The following PLPP1 variants were observed in gnomAD, a reference collection of about 807,000 sequenced individuals.
PLPP1 encodes the protein lipid phosphate phosphohydrolase 1a.
Under a neutral mutation model 31.2 loss-of-function variants are expected in PLPP1, and 24 were observed. That is an observed-to-expected ratio of 0.77 (90% CI 0.56 to 1.08). The LOEUF is 1.08. Ranked by LOEUF, PLPP1 falls within the 50% of genes least tolerant of loss-of-function variation. The pLI, the probability that PLPP1 is intolerant of heterozygous loss-of-function variation, is 0.00. For synonymous variants in PLPP1, 146 were observed against 126.3 expected (o/e 1.16, Z -1.05); for missense variants, 319 against 342.7 (o/e 0.93, Z 0.55).
At position 55,425,072 on chromosome 5, in the gene PLPP1, G is replaced by A; in HGVS notation, c.*134C>T. On this transcript the variant is annotated 3_prime_UTR_variant, in exon 6 of 6. Transcript: ENST00000307259. ...AGGTAACTATGTACACACAAAGTGT[G>A]CATCCAAGAGGCATAGCAGCAGCAG... 1.7e-6 allele frequency: 2 copies of A among 1,166,198 alleles called. No homozygotes were observed. Among genetic ancestry groups the A allele is most frequent in the Non-Finnish European group, 2.4e-6 (2 of 827,264 alleles). The allele number at this position is 1,166,198 out of a possible 1,614,324, so 72.2% of individuals were successfully genotyped here.
intron 1 of PLPP1, among the ~76,000 whole-genome samples, chr5:55,498,830 C>T (rs1046554628): frequency 1.1e-4 from 16 of 152,128 alleles, no homozygotes; most frequent in African/African-American, 3.9e-4. Flanking sequence ...CAAAAATAAA[C>T]AAACTGAATA....
intron 1 of PLPP1, among the ~76,000 whole-genome samples, chr5:55,488,502 C>T (rs993469978): frequency 5.3e-5 from 8 of 151,830 alleles, no homozygotes; most frequent in African/African-American, 1.9e-4. Context: ...AAAAATTAGC[C>T]AGGTGTGGTT....
intron 3 of PLPP1, among the ~76,000 whole-genome samples, chr5:55,444,741 T>TGTGTGTGTGTGTGTGTGTGTGTGTGTGTG (rs1554037408): frequency 5.8e-4 from 4 of 6,956 alleles, no homozygotes; most frequent in African/African-American, 1.0e-3. Flanking sequence ...TGGGATTCTA[T>TGTGTGTGTGTGTGTGTGTGTGTGTGTGTG]TTTGTGTGTG....
chr5:55,498,652 G>T (rs890151247), intron 1 of PLPP1, among the ~76,000 whole-genome samples: 2 of 150,860 alleles, frequency 1.3e-5, no homozygotes, highest in African/African-American at 4.9e-5. Context: ...AGCTGTATGT[G>T]ACTTGTCACA....
At chr5:55,478,915 T>C (rs949745131) in intron 1 of PLPP1, among the ~76,000 whole-genome samples, 4 of 152,102 alleles carry the variant, frequency 2.6e-5, no homozygotes, top group African/African-American at 7.2e-5. Flanking sequence ...CACTATTCTG[T>C]TGAGAGAATC....
At chr5:55,518,977 G>C (rs1753608829) in intron 1 of PLPP1, among the ~76,000 whole-genome samples, 1 of 152,032 alleles carries the variant, frequency 6.6e-6, no homozygotes, top group South Asian at 2.1e-4. Flanking sequence ...ATTACACTTT[G>C]AACTCTTTAA....
chr5:55,482,744 C>T (rs1312523290), intron 1 of PLPP1, among the ~76,000 whole-genome samples: 1 of 152,158 alleles, frequency 6.6e-6, no homozygotes, highest in African/African-American at 2.4e-5. Context: ...TCTAAAGCCA[C>T]TTCGCCATAA....
chr5:55,450,058 T>C (rs1751860019), intron 3 of PLPP1, among the ~76,000 whole-genome samples: 1 of 152,194 alleles, frequency 6.6e-6, no homozygotes, highest in Non-Finnish European at 1.5e-5. Flanking sequence ...TCCTGTCATA[T>C]ACTCCTTGAA....
At chr5:55,488,085 T>C (rs1172429414) in intron 1 of PLPP1, among the ~76,000 whole-genome samples, 1 of 151,278 alleles carries the variant, frequency 6.6e-6, no homozygotes, top group African/African-American at 2.4e-5. Context: ...AACAAACAAA[T>C]AAATAAATAA....
intron 1 of PLPP1, chr5:55,530,430 G>C (rs1231269298): frequency 1.6e-6 from 2 of 1,260,882 alleles, no homozygotes; most frequent in African/African-American, 2.9e-5. Context: ...CTTATAAGTA[G>C]GATGACCAGA....
At chr5:55,516,916 A>T (rs1436796621) in intron 1 of PLPP1, among the ~76,000 whole-genome samples, 1 of 152,258 alleles carries the variant, frequency 6.6e-6, no homozygotes, top group Non-Finnish European at 1.5e-5. Flanking sequence ...TTACATAAAC[A>T]TAATGGTAGC....
intron 1 of PLPP1, among the ~76,000 whole-genome samples, chr5:55,523,777 T>G (rs1226786860): frequency 6.6e-6 from 1 of 152,184 alleles, no homozygotes; most frequent in Non-Finnish European, 1.5e-5. Flanking sequence ...CTCCCTATGC[T>G]TGGAATTTTC....
chr5:55,500,705 G>A (rs1022286805), intron 1 of PLPP1, among the ~76,000 whole-genome samples: 7 of 152,046 alleles, frequency 4.6e-5, no homozygotes, highest in Non-Finnish European at 1.0e-4. Context: ...GCTGTGTAAA[G>A]AAAAAAGCAG....
intron 3 of PLPP1, among the ~76,000 whole-genome samples, chr5:55,453,347 C>T (rs1191890312): frequency 1.3e-5 from 2 of 152,090 alleles, no homozygotes; most frequent in Non-Finnish European, 2.9e-5. Flanking sequence ...ATGTATTTTC[C>T]CCTTTCAGTG....
chr5:55,507,833 A>AT (rs1335602236), intron 1 of PLPP1, among the ~76,000 whole-genome samples: 1 of 149,892 alleles, frequency 6.7e-6, no homozygotes, highest in African/African-American at 2.5e-5. Context: ...TAGTCCACCT[A>AT]TATCTGCACA....
At chr5:55,513,708 G>C (rs1753492741) in intron 1 of PLPP1, among the ~76,000 whole-genome samples, 1 of 152,208 alleles carries the variant, frequency 6.6e-6, no homozygotes, top group Non-Finnish European at 1.5e-5. Context: ...GGGAGGCAGA[G>C]GTGAGAGGAT....
At chr5:55,523,971 A>G (rs1472077286) in intron 1 of PLPP1, among the ~76,000 whole-genome samples, 1 of 152,156 alleles carries the variant, frequency 6.6e-6, no homozygotes, top group Non-Finnish European at 1.5e-5. Context: ...TCTTATATAC[A>G]CTGGTATGGA....
intron 1 of PLPP1, among the ~76,000 whole-genome samples, chr5:55,491,700 A>C (rs1051946159): frequency 2.0e-5 from 3 of 151,950 alleles, no homozygotes; most frequent in Non-Finnish European, 2.9e-5. Flanking sequence ...TCTACTAACA[A>C]CACAAAAATT....
At chr5:55,483,669 C>CAAA (rs35550771) in intron 1 of PLPP1, among the ~76,000 whole-genome samples, 58 of 117,234 alleles carry the variant, frequency 4.9e-4, no homozygotes, top group Non-Finnish European at 6.8e-4. Context: ...GAGACTGTCT[C>CAAA]AAAAAAAAAA....
Sources: gnomAD v4.1 joint callset for allele counts (sites outside exome capture counted in the v4.1 genomes callset) on GRCh38, gnomAD v4.1.1 for gene constraint, MANE v1.5 for transcripts, NCBI Gene and HGNC (gene_info 2026-07-23, HGNC 2026-07-21) for gene names.